The following SLCO3A1 variants were observed in gnomAD, a reference collection of about 807,000 sequenced individuals.
The protein encoded by SLCO3A1 is PGE1 transporter.
Under a neutral mutation model 63.1 loss-of-function variants are expected in SLCO3A1, and 27 were observed. The ratio of observed to expected loss-of-function variants is 0.43; its 90% confidence interval spans 0.32 to 0.59. The LOEUF is 0.59. SLCO3A1 is among the 20% of genes least tolerant of loss of function. The pLI is 0.09. For synonymous variants in SLCO3A1, 473 were observed against 409.9 expected, an observed-to-expected ratio of 1.15 and a Z score of -1.86; for missense variants, 773 against 945.8, an observed-to-expected ratio of 0.82 and a Z score of 2.40.
intron 2 of SLCO3A1, among the ~76,000 whole-genome samples, chr15:92,026,143 A>G (rs1210665823): frequency 6.6e-6 from 1 of 152,140 alleles, no homozygotes; most frequent in East Asian, 1.9e-4. Flanking sequence ...CACCAAGTGT[A>G]GGGATGGGTC....
intron 2 of SLCO3A1, among the ~76,000 whole-genome samples, chr15:92,045,094 T>G (rs7168605): frequency 6.6e-6 from 1 of 152,020 alleles, no homozygotes; most frequent in East Asian, 1.9e-4. Context: ...TCCTGGCTAA[T>G]GTGGTGAAAC....
Position 91,897,012 on chromosome 15 carries a change from C to T in SLCO3A1, c.181-18981C>T, listed in dbSNP as rs759137640. ...CCTTGTAGCTCTGTGATTTTAGGAA[C>T]GATATGTCACTTTTGTGATCTTTAG... On this transcript the variant is annotated intron_variant, in intron 1 of 9. Transcript: ENST00000318445. The surrounding 1 kb of genome is among the most constrained non-coding windows in gnomAD (Gnocchi z 4.7). Among the ~76,000 whole-genome samples, 11 of 152,040 alleles carry T rather than the reference C, an allele frequency of 7.2e-5. No homozygotes were observed. The highest frequency in any genetic ancestry group is 1.5e-4 in the African/African-American group (6 of 41,370).
intron 7 of SLCO3A1, among the ~76,000 whole-genome samples, chr15:92,137,769 CTTCTT>C (rs2048077781): frequency 9.6e-6 from 1 of 103,722 alleles, no homozygotes; most frequent in Non-Finnish European, 1.8e-5. Context: ...GCATAAATGT[CTTCTT>C]TTGAGAAGTG....
intron 7 of SLCO3A1, among the ~76,000 whole-genome samples, chr15:92,131,567 C>T (rs1272891460): frequency 2.1e-5 from 3 of 144,612 alleles, no homozygotes; most frequent in East Asian, 1.9e-4. Context: ...GGTTTTTCAC[C>T]GTGACGGCCA....
At chr15:91,964,986 A>G (rs896378543) in intron 2 of SLCO3A1, among the ~76,000 whole-genome samples, 1 of 152,082 alleles carries the variant, frequency 6.6e-6, no homozygotes, top group Non-Finnish European at 1.5e-5. Context: ...TGCGTGTGCC[A>G]TGCCAGCTTT....
At chr15:92,130,884 GCAAAAAAAAAAAAA>G (rs1309165224) in intron 7 of SLCO3A1, among the ~76,000 whole-genome samples, 6 of 107,328 alleles carry the variant, frequency 5.6e-5, no homozygotes, top group Admixed American at 1.1e-4. Context: ...CAAGTTCGGG[GCAAAAAAAAAAAAA>G]AAAAAAAAAA....
At chr15:92,041,860 A>T (rs1208567751) in intron 2 of SLCO3A1, among the ~76,000 whole-genome samples, 1 of 151,920 alleles carries the variant, frequency 6.6e-6, no homozygotes, top group Non-Finnish European at 1.5e-5. Flanking sequence ...ATTTTAGCCA[A>T]TCTGTATGCT....
chr15:91,902,301 A>T (rs1177758838), intron 1 of SLCO3A1, among the ~76,000 whole-genome samples: 1 of 151,822 alleles, frequency 6.6e-6, no homozygotes, highest in East Asian at 1.9e-4. Flanking sequence ...GGCTCAAGTG[A>T]TTCTCCCACC....
rs1899651208 is a variant in SLCO3A1, at chr15:91,942,343, AC to A, written c.646+25886del. On this transcript the variant is annotated intron_variant, in intron 2 of 9. Coordinates refer to ENST00000318445, the MANE Select transcript of SLCO3A1 (RefSeq NM_013272.4). This position sits in a 1 kb window ranked among gnomAD's most constrained non-coding sequence, Gnocchi z 4.1. ...ATTGTTACACAGTGGTGATATGAGAACACACACCTGTCCATCGTTGAGATTT... is the reference window on the plus strand; with the variant it reads ...ATTGTTACACAGTGGTGATATGAGAAACACACCTGTCCATCGTTGAGATTT... Among the ~76,000 whole-genome samples the A allele has an allele frequency of 6.6e-6, 1 of 152,170 alleles. No homozygotes were observed. Among genetic ancestry groups the A allele is most frequent in the African/African-American group, 2.4e-5 (1 of 41,434 alleles).
rs1016781573 is a variant in SLCO3A1, at chr15:92,163,749, G to A, written c.*614G>A. 2.0e-6 allele frequency: 2 copies of A among 985,326 alleles called. No homozygotes were observed. Among genetic ancestry groups the A allele is most frequent in the African/African-American group, 1.7e-5 (1 of 57,214 alleles). 61.0% of individuals were successfully genotyped at this position (985,326 alleles called of 1,614,324 possible). ...CTCACCCAGTCTGCATGTGGTTCAA[G>A]GCCCCAGAGTTCTCTCAGTGATGCT... On this transcript the variant is annotated 3_prime_UTR_variant, in exon 10 of 10. Transcript: ENST00000318445.
chr15:91,946,628 G>C (rs1029613846), intron 2 of SLCO3A1, among the ~76,000 whole-genome samples: 1 of 152,182 alleles, frequency 6.6e-6, no homozygotes, highest in African/African-American at 2.4e-5. Context: ...ATAGGACTTC[G>C]TAGTATGGGT....
Position 91,948,465 on chromosome 15 carries a change from G to C in SLCO3A1, c.646+32007G>C, listed in dbSNP as rs541972298. 4.3e-4 allele frequency among the ~76,000 whole-genome samples: 65 copies of C among 152,338 alleles called. No individual in the cohort carries two copies. The highest frequency in any genetic ancestry group is 5.7e-4 in the Non-Finnish European group (39 of 68,024). On this transcript the variant is annotated intron_variant, in intron 2 of 9. Coordinates refer to ENST00000318445, the MANE Select transcript of SLCO3A1 (RefSeq NM_013272.4). The surrounding 1 kb of genome is among the most constrained non-coding windows in gnomAD (Gnocchi z 4.8). ...CCGGCATGCACACAGCACCACCTGG[G>C]TGGAAAGCAGCAGTCATTGGTTAGG... is the stretch of plus-strand genomic sequence containing the variant.
rs1329045751 is a variant in SLCO3A1 at position 91,957,139 on chromosome 15, ATAT to A, written c.646+40685_646+40687del. ...ATAATATATATAATATATATACTAT[ATAT>A]TATAATATATATATATATTTTTTTT... On this transcript the variant is annotated intron_variant, in intron 2 of 9. Transcript: ENST00000318445. Among the ~76,000 whole-genome samples, 7 of 31,518 alleles carry A rather than the reference ATAT, an allele frequency of 2.2e-4. 2 individuals are homozygous for A. Among genetic ancestry groups the A allele is most frequent in the African/African-American group, 2.1e-3 (6 of 2,912 alleles). 20.7% of individuals were successfully genotyped at this position (31,518 alleles called of 152,430 possible).
At chr15:92,031,099 G>A (rs1055637072) in intron 2 of SLCO3A1, among the ~76,000 whole-genome samples, 2 of 152,134 alleles carry the variant, frequency 1.3e-5, no homozygotes, top group Non-Finnish European at 2.9e-5. Flanking sequence ...TTAAAGAAAT[G>A]TTCTGCACGC....
chr15:92,078,736 C>G (rs1278990653), intron 2 of SLCO3A1, among the ~76,000 whole-genome samples: 1 of 152,158 alleles, frequency 6.6e-6, no homozygotes, highest in Non-Finnish European at 1.5e-5. Flanking sequence ...CTCTGTGTCT[C>G]AGTTTCCTTA....
chr15:92,001,411 C>T (rs1007332345), intron 2 of SLCO3A1, among the ~76,000 whole-genome samples: 1 of 152,160 alleles, frequency 6.6e-6, no homozygotes, highest in Non-Finnish European at 1.5e-5. Flanking sequence ...CCATTAGGAA[C>T]CTTCTGGCTT....
intron 7 of SLCO3A1, among the ~76,000 whole-genome samples, chr15:92,130,881 G>A (rs577040333): frequency 5.6e-4 from 50 of 90,090 alleles, no homozygotes; most frequent in African/African-American, 1.8e-3. Context: ...CTCCAAGTTC[G>A]GGGCAAAAAA....
chr15:91,971,410 A>AAAAAAAAAAAAAAAAAAAAAG (rs59113249), intron 2 of SLCO3A1, among the ~76,000 whole-genome samples: 5 of 145,886 alleles, frequency 3.4e-5, no homozygotes, highest in African/African-American at 1.3e-4. Context: ...AAAAAAAAAA[A>AAAAAAAAAAAAAAAAAAAAAG]GCAACCTCTT....
chr15:92,154,810 G>T (rs73542687), intron 9 of SLCO3A1, among the ~76,000 whole-genome samples: 27,713 of 152,066 alleles, frequency 0.18, 2,643 homozygotes, highest in Middle Eastern at 0.23. Context: ...GAAGCTGAGG[G>T]TGATGATCAA....
Sources: allele counts gnomAD v4.1 joint callset (sites outside exome capture counted in the v4.1 genomes callset), GRCh38; gene constraint gnomAD v4.1.1; non-coding constraint Gnocchi (gnomAD v3.1); transcripts MANE v1.5; gene names NCBI Gene and HGNC (gene_info 2026-07-23, HGNC 2026-07-21).